Variants in ASIC2 observed in about 807,000 individuals in gnomAD.
The protein encoded by ASIC2 is acid sensing ion channel subunit 2, also known as acid-sensing ion channel 2.
ASIC2 carries 25 observed loss-of-function variants against 57.3 expected under a neutral mutation model. The ratio of observed to expected loss-of-function variants is 0.44; its 90% CI spans 0.32 to 0.61. The LOEUF is 0.61. Ranked by LOEUF, ASIC2 falls within the 20% of genes least tolerant of loss-of-function variation. The pLI is 0.06. For missense variants in ASIC2, 641 were observed against 738.1 expected (o/e 0.87, Z 1.52); for synonymous variants, 319 against 307.5 (o/e 1.04, Z -0.39).
At chr17:33,359,681 T>C (rs1567835000) in intron 1 of ASIC2, among the ~76,000 whole-genome samples, 6 of 152,174 alleles carry the variant, frequency 3.9e-5, no homozygotes, top group Admixed American at 3.9e-4. Context: ...GAGAAATCAT[T>C]TGGGGAACTT....
At chr17:33,494,508 A>G (rs1913865216) in intron 1 of ASIC2, among the ~76,000 whole-genome samples, 1 of 152,192 alleles carries the variant, frequency 6.6e-6, no homozygotes, top group African/African-American at 2.4e-5. Flanking sequence ...GAGATAGGTC[A>G]ATGGAATAAG....
intron 1 of ASIC2, among the ~76,000 whole-genome samples, chr17:33,925,708 T>A (rs1915808734): frequency 6.6e-6 from 1 of 152,148 alleles, no homozygotes; most frequent in African/African-American, 2.4e-5. Context: ...CAATTCTGGG[T>A]GTCTACTTTC....
At chr17:33,338,881 T>C (rs1357507406) in intron 1 of ASIC2, among the ~76,000 whole-genome samples, 6 of 152,158 alleles carry the variant, frequency 3.9e-5, no homozygotes, top group Non-Finnish European at 1.5e-5. Flanking sequence ...TCTAGAGTAG[T>C]TGAACTCATA....
At chr17:33,973,627 A>T (rs1165508773) in intron 1 of ASIC2, among the ~76,000 whole-genome samples, 1 of 152,148 alleles carries the variant, frequency 6.6e-6, no homozygotes, top group Non-Finnish European at 1.5e-5. Context: ...TTTGACTTTG[A>T]ATCAAGCGAC....
chr17:33,801,534 G>T (rs1912132868), intron 1 of ASIC2, among the ~76,000 whole-genome samples: 1 of 152,012 alleles, frequency 6.6e-6, no homozygotes, highest in African/African-American at 2.4e-5. Flanking sequence ...AGGGACCCTG[G>T]GTGAGTTACC....
At chr17:33,445,532 T>C (rs1406962990) in intron 1 of ASIC2, among the ~76,000 whole-genome samples, 1 of 152,076 alleles carries the variant, frequency 6.6e-6, no homozygotes, top group African/African-American at 2.4e-5. Context: ...AAGCCATTGG[T>C]TCTCTGTGGG....
chr17:33,643,037 A>G (rs1906626350), intron 1 of ASIC2, among the ~76,000 whole-genome samples: 1 of 152,186 alleles, frequency 6.6e-6, no homozygotes, highest in African/African-American at 2.4e-5. Context: ...TACTTCAAAG[A>G]ATGGAGGTTT....
At chr17:33,644,615 G>A (rs548470558) in intron 1 of ASIC2, among the ~76,000 whole-genome samples, 23 of 152,176 alleles carry the variant, frequency 1.5e-4, no homozygotes, top group African/African-American at 4.8e-4. Context: ...AAATGCATCC[G>A]ATTATCAGAA....
At chr17:34,003,133 A>C (rs774741595) in intron 1 of ASIC2, 5 of 152,226 alleles carry the variant, frequency 3.3e-5, no homozygotes, top group Non-Finnish European at 7.3e-5. Flanking sequence ...TTGAGAAGCC[A>C]TGGAATCCTA....
intron 1 of ASIC2, among the ~76,000 whole-genome samples, chr17:33,934,176 G>A (rs1478417095): frequency 1.3e-5 from 2 of 152,180 alleles, no homozygotes. Flanking sequence ...CGGCAGGCCT[G>A]CCCTGTGATC....
intron 1 of ASIC2, among the ~76,000 whole-genome samples, chr17:33,528,281 T>C (rs757530684): frequency 6.6e-6 from 1 of 150,946 alleles, no homozygotes; most frequent in African/African-American, 2.4e-5. Context: ...CTTGGGGCCA[T>C]CACATGGGCT....
Position 33,804,567 on chromosome 17 carries a change from G to C in ASIC2, c.555+351411C>G, listed in dbSNP as rs1213092709. ...AAGAGCTTTGCTGGTGCTGGGTGCT[G>C]GGTGGAGCCCAAGCTTTTAGTGTGC... On this transcript the variant is annotated intron_variant, in intron 1 of 9. Transcript: ENST00000359872. 1.9e-4 allele frequency among the ~76,000 whole-genome samples: 29 copies of C among 152,214 alleles called. 1 individual carries two copies. The highest frequency in any genetic ancestry group is 1.9e-3 in the Admixed American group (29 of 15,286).
chr17:33,612,126 C>T (rs76047001), intron 1 of ASIC2, among the ~76,000 whole-genome samples: 9,529 of 152,286 alleles, frequency 0.063, 312 homozygotes, highest in South Asian at 0.1. Context: ...TTCAGGCCTT[C>T]AATGGATTAA....
chr17:33,916,545 A>G (rs1033994627), intron 1 of ASIC2, among the ~76,000 whole-genome samples: 3 of 152,200 alleles, frequency 2.0e-5, no homozygotes, highest in African/African-American at 7.2e-5. Context: ...ACTGGGATTT[A>G]TGTTATTTCC....
chr17:33,182,419 TTTG>T (rs1272754210), intron 1 of ASIC2, among the ~76,000 whole-genome samples: 2 of 152,160 alleles, frequency 1.3e-5, no homozygotes, highest in African/African-American at 4.8e-5. Context: ...CAAAATGCTA[TTTG>T]TTGTTGTTAT....
At chr17:33,699,541 AT>A (rs1908633836) in intron 1 of ASIC2, among the ~76,000 whole-genome samples, 1 of 152,170 alleles carries the variant, frequency 6.6e-6, no homozygotes, top group Admixed American at 6.5e-5. Context: ...GCAACATAAT[AT>A]TTATAATCTC....
intron 1 of ASIC2, among the ~76,000 whole-genome samples, chr17:33,127,533 A>AGGGTGGTCTGGTGGTGGTC (rs1487884829): frequency 3.3e-5 from 5 of 152,210 alleles, no homozygotes; most frequent in Non-Finnish European, 7.3e-5. Flanking sequence ...CTGCCAATTA[A>AGGGTGGTCTGGTGGTGGTC]TGATATGAGT....
At chr17:33,944,514 C>T (rs748903127) in intron 1 of ASIC2, among the ~76,000 whole-genome samples, 2 of 152,038 alleles carry the variant, frequency 1.3e-5, no homozygotes, top group Non-Finnish European at 2.9e-5. Context: ...GAGGTGAGGC[C>T]AAGGCAGTCG....
At chr17:34,072,342 C>T (rs1213977112) in intron 1 of ASIC2, 5 of 152,160 alleles carry the variant, frequency 3.3e-5, no homozygotes, top group African/African-American at 9.7e-5. Flanking sequence ...AGAAGAAGGG[C>T]ATTTTGGGGC....
Sources: allele counts gnomAD v4.1 joint callset (sites outside exome capture counted in the v4.1 genomes callset), GRCh38; gene constraint gnomAD v4.1.1; transcripts MANE v1.5; gene names NCBI Gene and HGNC (gene_info 2026-07-23, HGNC 2026-07-21).